Variants in TOGARAM1 observed in about 807,000 individuals in gnomAD.
The protein encoded by TOGARAM1 is TOG array regulator of axonemal microtubules protein 1.
TOGARAM1 carries 100 observed loss-of-function variants against 166.6 expected under a neutral mutation model. That is an observed-to-expected ratio of 0.60 (90% CI 0.51 to 0.71). The LOEUF is 0.71. Among genes scored for constraint, TOGARAM1 ranks in the 30% least tolerant of loss-of-function variants. TOGARAM1 has a pLI of 0.00. For missense variants in TOGARAM1, 2,029 were observed against 2,102.7 expected, an observed-to-expected ratio of 0.96 and a Z score of 0.69; for synonymous variants, 758 against 763.8, an observed-to-expected ratio of 0.99 and a Z score of 0.13.
rs552796534 is a variant in TOGARAM1 at position 45,063,895 on chromosome 14, CT to C, written c.4560-2682del. Among the ~76,000 whole-genome samples the C allele has an allele frequency of 6.3e-4, 96 of 152,276 alleles. 1 individual carries two copies. The highest frequency in any genetic ancestry group is 3.4e-3 in the Middle Eastern group (1 of 294). On this transcript the variant is annotated intron_variant, in intron 16 of 19. Transcript: ENST00000361462. ...CCTAACCCAGTCTTAGCAAGGTATC[CT>C]GCTAGCTCATCTCTCCTTCCTTTGA...
chr14:45,059,385 C>T (rs979310929), intron 16 of TOGARAM1, among the ~76,000 whole-genome samples: 2 of 152,144 alleles, frequency 1.3e-5, no homozygotes, highest in Admixed American at 1.3e-4. Flanking sequence ...CAGTGGTATG[C>T]ACCTGTAATC....
chr14:45,054,416 T>A lies in TOGARAM1; in HGVS notation c.4441-15T>A, dbSNP rs750403690. 2 of 1,503,194 alleles carry A rather than the reference T, an allele frequency of 1.3e-6. No individual in the cohort carries two copies. Among genetic ancestry groups the A allele is most frequent in the African/African-American group, 2.8e-5 (2 of 71,436 alleles). The allele number at this position is 1,503,194 out of a possible 1,614,324, so 93.1% of individuals were successfully genotyped here. A position where few individuals can be genotyped will look rare whatever the true frequency, so the allele number is the denominator to read the frequency against. On this transcript the variant is annotated splice_polypyrimidine_tract_variant and intron_variant, in intron 15 of 19. Transcript: ENST00000361462. The stretch of plus-strand genomic sequence containing the variant: ...TTTAAAATTTGTATTATACTAATTT[T>A]ATATTTACTTGCAGGGTTTGGGGGA...
chr14:45,032,740 C>G (rs936799367), intron 11 of TOGARAM1, among the ~76,000 whole-genome samples: 2 of 152,092 alleles, frequency 1.3e-5, no homozygotes, highest in Non-Finnish European at 2.9e-5. Context: ...AGCAGCCAAC[C>G]AACCAGCCCA....
chr14:45,012,745 T>G (rs1289675118), intron 7 of TOGARAM1, among the ~76,000 whole-genome samples: 1 of 152,188 alleles, frequency 6.6e-6, no homozygotes, highest in African/African-American at 2.4e-5. Context: ...TCCTAACAAC[T>G]TTAAGCTGCT....
At chr14:45,025,548 A>G in intron 7 of TOGARAM1, 1 of 350,612 alleles carries the variant, frequency 2.9e-6, no homozygotes, top group South Asian at 3.3e-5. Context: ...TGGGCGACAG[A>G]GCGAGACTCC....
At chr14:45,038,730 G>C (rs1049687671) in intron 11 of TOGARAM1, among the ~76,000 whole-genome samples, 2 of 152,174 alleles carry the variant, frequency 1.3e-5, no homozygotes, top group Admixed American at 6.5e-5. Context: ...ACAATGTCAT[G>C]AGCGGTGGCA....
intron 6 of TOGARAM1, among the ~76,000 whole-genome samples, chr14:45,010,790 A>C (rs748018190): frequency 6.6e-6 from 1 of 152,156 alleles, no homozygotes; most frequent in African/African-American, 2.4e-5. Flanking sequence ...TGATTTAAAG[A>C]TTTTGTCCTT....
chr14:44,969,851 CTG>C (rs1379476196), intron 1 of TOGARAM1, among the ~76,000 whole-genome samples: 1 of 152,106 alleles, frequency 6.6e-6, no homozygotes, highest in Admixed American at 6.5e-5. Flanking sequence ...GATCAGCTGA[CTG>C]TATTCATGTG....
At chr14:45,065,224 T>A (rs1349523158) in intron 16 of TOGARAM1, among the ~76,000 whole-genome samples, 1 of 152,116 alleles carries the variant, frequency 6.6e-6, no homozygotes, top group Admixed American at 6.6e-5. Flanking sequence ...CTAAAATAGA[T>A]AGACAGATTG....
chr14:45,021,290 C>G (rs553412186), intron 7 of TOGARAM1, among the ~76,000 whole-genome samples: 1 of 151,874 alleles, frequency 6.6e-6, no homozygotes, highest in East Asian at 1.9e-4. Flanking sequence ...ACAGCAGTTG[C>G]GGGGCATATG....
Position 45,073,352 on chromosome 14 carries a change from G to A in TOGARAM1, c.5113G>A (p.Val1705Ile). 6.2e-7 allele frequency: 1 copy of A among 1,614,162 alleles called. No homozygotes were observed. Among genetic ancestry groups the A allele is most frequent in the Non-Finnish European group, 8.5e-7 (1 of 1,180,028 alleles). ...GCATGCCACAGAGCAGAAAGTGTTG[G>A]TTGTTTTATGGCATCTCTTAGGAAA... ...KPHATEQKVL[V>I]VLWHLLGNMT... The change falls in exon 20 of 20, where the codon GTT (valine) becomes ATT (isoleucine). Residue 1705 changes from valine (V) to isoleucine (I), a missense_variant. Around this residue, in one of 2 missense-constraint regions of TOGARAM1, gnomAD observed 576 missense variants for 670.5 expected, o/e 0.86. Transcript: ENST00000361462.
intron 8 of TOGARAM1, among the ~76,000 whole-genome samples, chr14:45,027,006 AAAACAAACAAAC>A (rs10674415): frequency 6.6e-5 from 10 of 151,746 alleles, no homozygotes; most frequent in Non-Finnish European, 1.3e-4. Context: ...AGACTATCTC[AAAACAAACAAAC>A]AAACAAACAA....
intron 7 of TOGARAM1, 40 bp downstream of exon 7, chr14:45,012,115 G>T: frequency 7.7e-7 from 1 of 1,294,108 alleles, no homozygotes. Context: ...TATAAAATAT[G>T]ATTTTCAAAT....
chr14:45,064,463 T>C (rs1883046601), intron 16 of TOGARAM1, among the ~76,000 whole-genome samples: 1 of 152,040 alleles, frequency 6.6e-6, no homozygotes, highest in Non-Finnish European at 1.5e-5. Context: ...TTCTGGGCAG[T>C]ACGTGACTCA....
rs917901198 is a variant in TOGARAM1 at position 44,981,167 on chromosome 14, T to C, written c.2047-14579T>C. Among the ~76,000 whole-genome samples the C allele has an allele frequency of 3.9e-5, 6 of 152,162 alleles. No homozygotes were observed. The South Asian group carries it at 1.2e-3, about 32-fold the overall frequency. On this transcript the variant is annotated intron_variant, in intron 1 of 19. Transcript: ENST00000361462. ...AATATGAATTTTTGGTGAAGGAAGA[T>C]AGAATATTCTACTTGAATTAGAAGA... is the stretch of plus-strand genomic sequence containing the variant.
rs753740979 is a variant in TOGARAM1 at position 44,976,919 on chromosome 14, C to T, written c.2046+12452C>T. On this transcript the variant is annotated intron_variant, in intron 1 of 19. Coordinates refer to ENST00000361462, the MANE Select transcript of TOGARAM1 (RefSeq NM_001308120.2). ...TGCTAACTAGATTGGTTTACTAGCT[C>T]TCTACTTCTAAACCTAAAAATTAGT... is the stretch of plus-strand genomic sequence containing the variant. Among the ~76,000 whole-genome samples, 3 of 152,176 alleles carry T rather than the reference C, an allele frequency of 2.0e-5. No homozygotes were observed. In the East Asian group the frequency reaches 5.8e-4, roughly 29 times the overall value.
chr14:45,041,858 G>A (rs748115162), intron 11 of TOGARAM1, among the ~76,000 whole-genome samples: 1 of 152,166 alleles, frequency 6.6e-6, no homozygotes, highest in Non-Finnish European at 1.5e-5. Context: ...ACCTCTGTGG[G>A]CTCAGGTGAT....
chr14:45,064,646 G>A (rs1883055817), intron 16 of TOGARAM1, among the ~76,000 whole-genome samples: 1 of 151,902 alleles, frequency 6.6e-6, no homozygotes, highest in African/African-American at 2.4e-5. Flanking sequence ...CACTCAGCTA[G>A]TTTTTTGTAT....
chr14:44,969,880 C>G (rs987968730), intron 1 of TOGARAM1, among the ~76,000 whole-genome samples: 1 of 152,182 alleles, frequency 6.6e-6, no homozygotes, highest in Non-Finnish European at 1.5e-5. Flanking sequence ...TTTCTGGGCT[C>G]TTTACTCTGC....
Sources: gnomAD v4.1 joint callset for allele counts (sites outside exome capture counted in the v4.1 genomes callset) on GRCh38, gnomAD v4.1.1 for gene constraint, gnomAD v4.1.1 regional missense constraint, MANE v1.5 for transcripts, NCBI Gene and HGNC (gene_info 2026-07-23, HGNC 2026-07-21) for gene names.